Variants in MRAS observed in about 807,000 individuals in gnomAD.
MRAS encodes ras-related protein M-Ras.
MRAS carries 4 observed loss-of-function variants against 20.9 expected under a neutral mutation model. The observed-to-expected ratio is 0.19, with a 90% CI of 0.09 to 0.44. The LOEUF is 0.44. Ranked by LOEUF, MRAS falls within the 20% of genes least tolerant of loss-of-function variation. The pLI is 0.99. For missense variants in MRAS, 154 were observed against 277.5 expected, an observed-to-expected ratio of 0.56 and a Z score of 3.16; for synonymous variants, 98 against 102.9, an observed-to-expected ratio of 0.95 and a Z score of 0.29.
At chr3:138,363,036 G>T (rs915712816) in intron 1 of MRAS, among the ~76,000 whole-genome samples, 30 of 144,210 alleles carry the variant, frequency 2.1e-4, no homozygotes, top group Non-Finnish European at 4.3e-4. Flanking sequence ...ACTGTTTTTT[G>T]TTTTTTGTGT....
chr3:138,400,447 C>G, intron 4 of MRAS, 87 bp from the exon 5 acceptor site: 1 of 1,241,652 alleles, frequency 8.1e-7, no homozygotes. Context: ...CACCTGGGTT[C>G]CTCAGAACCT....
At chr3:138,349,790 A>G (rs1464252670) in intron 1 of MRAS, 1 of 152,182 alleles carries the variant, frequency 6.6e-6, no homozygotes, top group Non-Finnish European at 1.5e-5. Flanking sequence ...ATATGACTTT[A>G]AGAGCTCTGA....
At chr3:138,384,168 A>T (rs1029379691) in intron 2 of MRAS, among the ~76,000 whole-genome samples, 1 of 152,198 alleles carries the variant, frequency 6.6e-6, no homozygotes, top group Non-Finnish European at 1.5e-5. Flanking sequence ...TTGTAGGTAA[A>T]TGAGAAGCCA....
chr3:138,400,732 C>A (rs2055342611), intron 5 of MRAS, 119 bp downstream of exon 5: 2 of 843,192 alleles, frequency 2.4e-6, no homozygotes, highest in South Asian at 1.6e-5. Flanking sequence ...GAATTCTGGG[C>A]CTATTTTTGG....
At chr3:138,389,029 A>T (rs534817946) in intron 2 of MRAS, among the ~76,000 whole-genome samples, 72 of 151,878 alleles carry the variant, frequency 4.7e-4, no homozygotes, top group South Asian at 1.5e-3. Context: ...TTTAGTAGAG[A>T]CTGGGTTTTA....
intron 1 of MRAS, among the ~76,000 whole-genome samples, chr3:138,352,436 T>G (rs1421288375): frequency 1.3e-5 from 2 of 152,232 alleles, no homozygotes; most frequent in Admixed American, 6.5e-5. Context: ...GTATTTTGCT[T>G]CTTTTTGTTG....
intron 1 of MRAS, among the ~76,000 whole-genome samples, chr3:138,353,034 C>T (rs1260360803): frequency 1.3e-5 from 2 of 152,154 alleles, no homozygotes; most frequent in Non-Finnish European, 2.9e-5. Context: ...GAATCCTAGA[C>T]CCAGAAGGAG....
intron 1 of MRAS, among the ~76,000 whole-genome samples, chr3:138,355,390 T>C (rs1271162964): frequency 6.6e-6 from 1 of 152,224 alleles, no homozygotes; most frequent in East Asian, 1.9e-4. Flanking sequence ...GTTATCCTGT[T>C]TGCATGTAGT....
chr3:138,351,693 G>A (rs923937545), intron 1 of MRAS, among the ~76,000 whole-genome samples: 18 of 152,190 alleles, frequency 1.2e-4, no homozygotes, highest in Non-Finnish European at 2.6e-4. Flanking sequence ...CTCTGCTCTT[G>A]GAAGGTCTCT....
intron 1 of MRAS, among the ~76,000 whole-genome samples, chr3:138,358,878 A>T (rs2054388895): frequency 1.3e-5 from 2 of 152,184 alleles, no homozygotes; most frequent in South Asian, 4.1e-4. Flanking sequence ...GGCTTAATAA[A>T]CGGTCATTAT....
In MRAS at chr3:138,402,358, A is replaced by C; in HGVS notation, c.*89A>C. 1.8e-6 allele frequency: 2 copies of C among 1,127,872 alleles called. No individual in the cohort carries two copies. Among genetic ancestry groups the C allele is most frequent in the Non-Finnish European group, 2.6e-6 (2 of 767,226 alleles). The allele number at this position is 1,127,872 out of a possible 1,614,324, so 69.9% of individuals were successfully genotyped here. ...AACTGCACTGAAACCATTTCTAACC[A>C]CAACCCTTGGCCCAAGGACTTGGTA... is the stretch of plus-strand genomic sequence containing the variant. On this transcript the variant is annotated 3_prime_UTR_variant, in exon 6 of 6. Transcript: ENST00000423968.
chr3:138,393,841 C>CA, intron 2 of MRAS, among the ~76,000 whole-genome samples: 1 of 152,238 alleles, frequency 6.6e-6, no homozygotes, highest in South Asian at 2.1e-4. Flanking sequence ...AGGCACCTGC[C>CA]ACCATGCCCA....
At chr3:138,384,917 G>T (rs1406729886) in intron 2 of MRAS, among the ~76,000 whole-genome samples, 1 of 152,200 alleles carries the variant, frequency 6.6e-6, no homozygotes. Flanking sequence ...AGCCCAGCAG[G>T]ATGAGGAACT....
At chr3:138,373,876 C>CATTTATTTATTT (rs137976100) in intron 2 of MRAS, among the ~76,000 whole-genome samples, 19,412 of 143,934 alleles carry the variant, frequency 0.13, 1,361 homozygotes, top group East Asian at 0.21. Flanking sequence ...TATCTCTTTC[C>CATTTATTTATTT]ATTTATTTAT....
At chr3:138,374,283 T>C (rs1261027947) in intron 2 of MRAS, among the ~76,000 whole-genome samples, 1 of 152,168 alleles carries the variant, frequency 6.6e-6, no homozygotes, top group Non-Finnish European at 1.5e-5. Context: ...TAGTTTTCAG[T>C]GCATAGGTCT....
chr3:138,372,859 G>C lies in MRAS; in HGVS notation c.-18-7G>C, dbSNP rs1199333. On this transcript the variant is annotated splice_region_variant and splice_polypyrimidine_tract_variant and intron_variant, in intron 1 of 5. Coordinates refer to ENST00000423968, the MANE Select transcript of MRAS (RefSeq NM_001085049.3). Reference sequence around the variant, plus strand: ...TCTGTCTCATTCCACATGTCTTGCTGCCGCAGGTCTGACCTACGAGAAACA... The same window carrying C: ...TCTGTCTCATTCCACATGTCTTGCTCCCGCAGGTCTGACCTACGAGAAACA... 1 of 1,498,816 alleles carries C rather than the reference G, an allele frequency of 6.7e-7. No individual in the cohort carries two copies. Among genetic ancestry groups the C allele is most frequent in the Non-Finnish European group, 8.8e-7 (1 of 1,133,270 alleles). 92.8% of individuals were successfully genotyped at this position (1,498,816 alleles called of 1,614,324 possible).
chr3:138,376,084 A>T (rs1261092429), intron 2 of MRAS, among the ~76,000 whole-genome samples: 4 of 152,238 alleles, frequency 2.6e-5, no homozygotes, highest in Non-Finnish European at 5.9e-5. Context: ...TGTAGATTGT[A>T]TCTCAATTTT....
intron 2 of MRAS, among the ~76,000 whole-genome samples, chr3:138,385,540 G>C (rs1463130148): frequency 6.6e-6 from 1 of 151,448 alleles, no homozygotes; most frequent in Non-Finnish European, 1.5e-5. Context: ...TTTTGAGACA[G>C]AGTCTCACTC....
chr3:138,379,357 C>CTTT lies in MRAS; in HGVS notation c.193+6303_193+6305dup, dbSNP rs35120152. On this transcript the variant is annotated intron_variant, in intron 2 of 5. Coordinates refer to ENST00000423968, the MANE Select transcript of MRAS (RefSeq NM_001085049.3). Reference sequence around the variant, plus strand: ...CATGTTGCTGCAAATGACAGAATGTCTTTTTTTTTTTTTTTTTTTTTTTTG... The same window carrying CTTT: ...CATGTTGCTGCAAATGACAGAATGTCTTTTTTTTTTTTTTTTTTTTTTTTTTTG... 5.1e-3 allele frequency among the ~76,000 whole-genome samples: 394 copies of CTTT among 77,632 alleles called. 7 individuals carry two copies. The highest frequency in any genetic ancestry group is 0.014 in the African/African-American group (283 of 20,036). The allele number at this position is 77,632 out of a possible 152,430, so 50.9% of individuals were successfully genotyped here. A position where few individuals can be genotyped will look rare whatever the true frequency, so the allele number is the denominator to read the frequency against.
Sources: allele counts gnomAD v4.1 joint callset (sites outside exome capture counted in the v4.1 genomes callset), GRCh38; gene constraint gnomAD v4.1.1; transcripts MANE v1.5; gene names NCBI Gene and HGNC (gene_info 2026-07-23, HGNC 2026-07-21).